NDST4: variants seen among roughly 807,000 people sequenced by gnomAD.
NDST4 encodes N-heparan sulfate sulfotransferase 4.
In NDST4, 63 loss-of-function variants were observed where a neutral mutation model predicts 100.8. The observed-to-expected ratio is 0.62, with a 90% CI of 0.51 to 0.77. NDST4 has a LOEUF of 0.77. Ranked by LOEUF, NDST4 falls within the 30% of genes least tolerant of loss-of-function variation. The probability of loss-of-function intolerance (pLI) is 0.00; values close to 1 mark genes in which losing one functional copy is unlikely to be tolerated. For missense variants in NDST4, 943 were observed against 1,018.4 expected, an observed-to-expected ratio of 0.93 and a Z score of 1.01; for synonymous variants, 377 against 361.8, an observed-to-expected ratio of 1.04 and a Z score of -0.48.
intron 6 of NDST4, among the ~76,000 whole-genome samples, chr4:114,929,444 A>G (rs1725466742): frequency 6.6e-6 from 1 of 152,076 alleles, no homozygotes; most frequent in African/African-American, 2.4e-5. Context: ...GTGCTATCTT[A>G]TCCATACTAT....
At chr4:114,951,419 A>C (rs1373430630) in intron 4 of NDST4, among the ~76,000 whole-genome samples, 1 of 152,054 alleles carries the variant, frequency 6.6e-6, no homozygotes, top group Non-Finnish European at 1.5e-5. Context: ...TGAAAAAGTT[A>C]TTTGGCTATT....
intron 6 of NDST4, among the ~76,000 whole-genome samples, chr4:114,927,215 T>C (rs1477070093): frequency 7.8e-6 from 1 of 128,072 alleles, no homozygotes; most frequent in Admixed American, 7.1e-5. Context: ...ATTAACTTGA[T>C]TTGTGTGTGT....
chr4:114,908,542 T>A (rs1724999349), intron 6 of NDST4, among the ~76,000 whole-genome samples: 1 of 152,180 alleles, frequency 6.6e-6, no homozygotes, highest in Non-Finnish European at 1.5e-5. Context: ...CCCTTCCATT[T>A]TTATGTGATA....
intron 10 of NDST4, among the ~76,000 whole-genome samples, chr4:114,841,590 A>G (rs994943505): frequency 1.3e-5 from 2 of 152,204 alleles, no homozygotes; most frequent in Non-Finnish European, 2.9e-5. Context: ...AAAAAGATTC[A>G]CTTAAATCTG....
At chr4:115,112,840 G>A (rs184035406) in intron 1 of NDST4, among the ~76,000 whole-genome samples, 1 of 151,844 alleles carries the variant, frequency 6.6e-6, no homozygotes. Flanking sequence ...ATTGTTCTAA[G>A]AATTTATTTT....
chr4:114,852,260 G>T (rs1723694133), intron 8 of NDST4, among the ~76,000 whole-genome samples: 1 of 151,954 alleles, frequency 6.6e-6, no homozygotes, highest in African/African-American at 2.4e-5. Flanking sequence ...TTTTTAAAAG[G>T]AATCACATAT....
At chr4:114,911,333 G>T (rs1426189507) in intron 6 of NDST4, among the ~76,000 whole-genome samples, 1 of 152,126 alleles carries the variant, frequency 6.6e-6, no homozygotes, top group Non-Finnish European at 1.5e-5. Flanking sequence ...GCTACTCTTT[G>T]TAACAGGAGC....
intron 11 of NDST4, among the ~76,000 whole-genome samples, chr4:114,837,138 G>T (rs1303699693): frequency 6.6e-6 from 1 of 152,028 alleles, no homozygotes; most frequent in Non-Finnish European, 1.5e-5. Flanking sequence ...ATCTCATCCT[G>T]TGTTCAGTTT....
intron 7 of NDST4, among the ~76,000 whole-genome samples, chr4:114,858,066 T>G (rs540893337): frequency 1.3e-5 from 2 of 152,196 alleles, no homozygotes; most frequent in African/African-American, 2.4e-5. Flanking sequence ...ATGAATAGAG[T>G]AACCATGGCA....
chr4:115,103,611 GAT>G lies in NDST4; in HGVS notation c.-247+9831_-247+9832del, dbSNP rs773943266. ...CTTAATTTTACGCAACACACAAAAT[GAT>G]TGGATTATTCTTTATCATAAGAGGC... On this transcript the variant is annotated intron_variant, in intron 1 of 13. Transcript: ENST00000264363. Among the ~76,000 whole-genome samples, 242 of 152,214 alleles carry G rather than the reference GAT, an allele frequency of 1.6e-3. 1 individual carries two copies. The highest frequency in any genetic ancestry group is 3.1e-3 in the Non-Finnish European group (210 of 67,986).
intron 2 of NDST4, among the ~76,000 whole-genome samples, chr4:115,052,746 A>G (rs995148518): frequency 1.3e-5 from 2 of 152,140 alleles, no homozygotes; most frequent in African/African-American, 4.8e-5. Flanking sequence ...GCATCATGAG[A>G]ACAGACTAAT....
intron 6 of NDST4, among the ~76,000 whole-genome samples, chr4:114,878,838 A>G (rs973248521): frequency 1.3e-5 from 2 of 152,050 alleles, no homozygotes; most frequent in African/African-American, 2.4e-5. Context: ...TTTATATCTA[A>G]TAGATCATAT....
At chr4:115,027,772 G>C (rs534623409) in intron 2 of NDST4, among the ~76,000 whole-genome samples, 1 of 151,974 alleles carries the variant, frequency 6.6e-6, no homozygotes, top group African/African-American at 2.4e-5. Flanking sequence ...AGAGTTTCAC[G>C]GCCACGAGCT....
At chr4:114,951,952 C>T (rs1406983762) in intron 4 of NDST4, among the ~76,000 whole-genome samples, 1 of 152,134 alleles carries the variant, frequency 6.6e-6, no homozygotes, top group African/African-American at 2.4e-5. Context: ...TACTAATTTG[C>T]TTTAAAGCAA....
At chr4:115,108,954 G>A (rs908457881) in intron 1 of NDST4, among the ~76,000 whole-genome samples, 20 of 149,878 alleles carry the variant, frequency 1.3e-4, no homozygotes, top group African/African-American at 4.7e-4. Flanking sequence ...AAAGGAAGGA[G>A]GGAAAAAGGG....
chr4:114,946,486 G>C (rs572296534), intron 4 of NDST4, among the ~76,000 whole-genome samples: 15 of 152,186 alleles, frequency 9.9e-5, no homozygotes, highest in Non-Finnish European at 1.3e-4. Flanking sequence ...TGGTTTAATG[G>C]AGAAGGTAGT....
chr4:115,033,157 A>ATATATATATATATATTTT (rs1491126767), intron 2 of NDST4, among the ~76,000 whole-genome samples: 2 of 59,946 alleles, frequency 3.3e-5, no homozygotes, highest in African/African-American at 1.1e-4. Flanking sequence ...ATATATATAT[A>ATATATATATATATATTTT]TTTTTTTTTT....
intron 6 of NDST4, among the ~76,000 whole-genome samples, chr4:114,928,860 T>A (rs189270263): frequency 6.6e-6 from 1 of 152,152 alleles, no homozygotes; most frequent in African/African-American, 2.4e-5. Context: ...TTGGCTTTCA[T>A]TGGGTCTTGA....
At chr4:115,006,439 GA>G in intron 2 of NDST4, among the ~76,000 whole-genome samples, 1 of 151,856 alleles carries the variant, frequency 6.6e-6, no homozygotes, top group Non-Finnish European at 1.5e-5. Context: ...CTGGACTTGG[GA>G]AAAAAGGGGT....
Sources: gnomAD v4.1 joint callset for allele counts (sites outside exome capture counted in the v4.1 genomes callset) on GRCh38, gnomAD v4.1.1 for gene constraint, MANE v1.5 for transcripts, NCBI Gene and HGNC (gene_info 2026-07-23, HGNC 2026-07-21) for gene names.